Variants in NUDT7 observed in about 807,000 individuals in gnomAD.
NUDT7 encodes the protein nudix hydrolase 7, also known as peroxisomal coenzyme A diphosphatase NUDT7.
A neutral mutation model predicts 13.1 loss-of-function variants in NUDT7; 19 were observed. The ratio of observed to expected loss-of-function variants is 1.45; its 90% CI spans 1.01 to 2.13. The LOEUF (loss-of-function observed/expected upper bound fraction) is 2.13. NUDT7 is among the 30% of genes most tolerant of loss of function. The pLI is 0.00. For missense variants in NUDT7, 360 were observed against 291.7 expected (o/e 1.23, Z -1.71); for synonymous variants, 132 against 109.7 (o/e 1.20, Z -1.27).
chr16:77,727,941 TA>T (rs2014191492), intron 2 of NUDT7, among the ~76,000 whole-genome samples: 1 of 152,196 alleles, frequency 6.6e-6, no homozygotes, highest in African/African-American at 2.4e-5. Context: ...TAGACAATAC[TA>T]CAAACTCAAC....
intron 2 of NUDT7, among the ~76,000 whole-genome samples, chr16:77,730,751 T>C (rs923581877): frequency 6.6e-6 from 1 of 152,146 alleles, no homozygotes; most frequent in African/African-American, 2.4e-5. Context: ...GTTCCCTTTT[T>C]TCCATATCCT....
At chr16:77,734,542 G>A (rs1021635544) in intron 2 of NUDT7, among the ~76,000 whole-genome samples, 1 of 152,130 alleles carries the variant, frequency 6.6e-6, no homozygotes, top group Non-Finnish European at 1.5e-5. Context: ...AGAATGGTGT[G>A]AACCCAGGAG....
In NUDT7 at chr16:77,722,574, C is replaced by T. The variant is rs754326874; in HGVS notation, c.-9C>T. On this transcript the variant is annotated 5_prime_UTR_variant, in exon 1 of 4. Transcript: ENST00000268533. The stretch of plus-strand genomic sequence containing the variant: ...GGAGTCCGCCCGGAAACAAACATTC[C>T]CCAGGGCAATGTCACGACTTGGTCT... The T allele has an allele frequency of 6.3e-7, 1 of 1,587,542 alleles. No homozygotes were observed.
chr16:77,731,288 T>G (rs1464589004), intron 2 of NUDT7, among the ~76,000 whole-genome samples: 6 of 152,198 alleles, frequency 3.9e-5, no homozygotes, highest in Admixed American at 6.5e-5. Flanking sequence ...GAGATACTTT[T>G]GAAACCTTTC....
chr16:77,742,225 T>C lies in NUDT7; in HGVS notation c.*275T>C. The stretch of plus-strand genomic sequence containing the variant: ...CATATAATAAAGAATATCTGGCACA[T>C]ACTAGGCCCTTAATAAAGATTTTTT... On this transcript the variant is annotated 3_prime_UTR_variant, in exon 4 of 4. Transcript: ENST00000268533. The C allele has an allele frequency of 1.2e-6, 1 of 823,260 alleles. No homozygotes were observed. Among genetic ancestry groups the C allele is most frequent in the Non-Finnish European group, 1.5e-6 (1 of 645,310 alleles). The allele number at this position is 823,260 out of a possible 1,614,324, so 51.0% of individuals were successfully genotyped here. A position where few individuals can be genotyped will look rare whatever the true frequency, so the allele number is the denominator to read the frequency against.
chr16:77,735,744 A>G (rs2014459786), intron 2 of NUDT7, 84 bp from the exon 3 acceptor site: 1 of 1,262,268 alleles, frequency 7.9e-7, no homozygotes, highest in Non-Finnish European at 1.1e-6. Flanking sequence ...GGTACAAAAT[A>G]GAAGTCCAGT....
rs1168703746 is a variant in NUDT7 at position 77,741,750 on chromosome 16, C to A, written c.517C>A (p.His173Asn). Residue 173 changes from histidine (H) to asparagine (N), a missense_variant, in exon 4 of 4, where the codon CAT (histidine) becomes AAT (asparagine). Transcript: ENST00000268533. ...VTRLGHRFIN[H>N]IFEYTNPEDG... is the part of the protein sequence containing the mutation. ...ACGTCTTGGTCACCGTTTTATTAAT[C>A]ATATCTTTGAGTACACAAACCCTGA... The A allele has an allele frequency of 1.2e-6, 2 of 1,614,060 alleles. No individual in the cohort carries two copies. The highest frequency in any genetic ancestry group is 1.7e-6 in the Non-Finnish European group (2 of 1,180,004).
chr16:77,739,820 T>C (rs2014602913), intron 3 of NUDT7, among the ~76,000 whole-genome samples: 1 of 152,162 alleles, frequency 6.6e-6, no homozygotes, highest in Non-Finnish European at 1.5e-5. Context: ...AATTCACCTC[T>C]GGCAAGGTAG....
intron 1 of NUDT7, 141 bp downstream of exon 1, chr16:77,722,758 C>A: frequency 1.3e-6 from 1 of 754,776 alleles, no homozygotes; most frequent in South Asian, 1.6e-5. Context: ...GGGGAGCACT[C>A]GCCTCCAGCA....
At chr16:77,726,203 C>T (rs761527315) in intron 2 of NUDT7, among the ~76,000 whole-genome samples, 4 of 152,180 alleles carry the variant, frequency 2.6e-5, no homozygotes, top group Non-Finnish European at 5.9e-5. Flanking sequence ...ACTTTGGCCT[C>T]GTTACTTGCC....
chr16:77,723,192 G>T (rs928883278), intron 1 of NUDT7, among the ~76,000 whole-genome samples: 2 of 152,138 alleles, frequency 1.3e-5, no homozygotes, highest in African/African-American at 4.8e-5. Flanking sequence ...TTTTACTTTG[G>T]CTGGTTTGTC....
chr16:77,733,322 G>T (rs1475882991), intron 2 of NUDT7, among the ~76,000 whole-genome samples: 1 of 152,190 alleles, frequency 6.6e-6, no homozygotes, highest in African/African-American at 2.4e-5. Context: ...GGAGTCTGGT[G>T]AGGGCCCTGT....
At chr16:77,725,322 A>C in intron 1 of NUDT7, 109 bp from the exon 2 acceptor site, 1 of 953,756 alleles carries the variant, frequency 1.0e-6, no homozygotes, top group South Asian at 1.9e-5. Context: ...AGAGAGTCAG[A>C]AATGGCAAAC....
chr16:77,730,373 G>C lies in NUDT7; in HGVS notation c.189+4789G>C, dbSNP rs186195026. 4.0e-3 allele frequency among the ~76,000 whole-genome samples: 609 copies of C among 152,220 alleles called. 4 individuals are homozygous for C. The highest frequency in any genetic ancestry group is 6.7e-3 in the Non-Finnish European group (455 of 68,008). On this transcript the variant is annotated intron_variant, in intron 2 of 3. Coordinates refer to ENST00000268533, the MANE Select transcript of NUDT7 (RefSeq NM_001105663.3). ...ATATTCCACATATGAATGAGATCAT[G>C]TGGCATCTGTGACTGGCTTATTTTA...
At chr16:77,723,522 T>A (rs940048019) in intron 1 of NUDT7, among the ~76,000 whole-genome samples, 2 of 152,070 alleles carry the variant, frequency 1.3e-5, no homozygotes, top group Non-Finnish European at 2.9e-5. Context: ...AACTGCATCA[T>A]TTAATCTTCT....
In NUDT7 at chr16:77,741,802, G is replaced by T; in HGVS notation, c.569G>T (p.Gly190Val). 6.2e-7 allele frequency: 1 copy of T among 1,614,086 alleles called. No individual in the cohort carries two copies. Among genetic ancestry groups the T allele is most frequent in the South Asian group, 1.1e-5 (1 of 91,076 alleles). The stretch of plus-strand genomic sequence containing the variant: ...GACGGTGTCACTTACCAGATCAAGG[G>T]AATGACGGCAAACCTTGCAGTGTTG... ...PEDGVTYQIK[G>V]MTANLAVLVA... Residue 190 changes from glycine (G) to valine (V), a missense_variant, in exon 4 of 4, where the codon GGA (glycine) becomes GTA (valine). Gly to Val is a moderately radical substitution (Grantham distance 109). Transcript: ENST00000268533.
intron 1 of NUDT7, 131 bp downstream of exon 1, chr16:77,722,748 G>T: frequency 2.4e-6 from 2 of 822,078 alleles, no homozygotes; most frequent in Non-Finnish European, 4.0e-6. Context: ...GCGCCGGATG[G>T]GGGAGCACTC....
At chr16:77,733,996 A>G (rs1238513667) in intron 2 of NUDT7, among the ~76,000 whole-genome samples, 1 of 152,164 alleles carries the variant, frequency 6.6e-6, no homozygotes, top group Non-Finnish European at 1.5e-5. Flanking sequence ...AAAGGGGGTA[A>G]TTTTAGGATG....
In NUDT7 at chr16:77,736,043, GT is replaced by G. The variant is rs376052036; in HGVS notation, c.348+59del. 289 of 1,509,362 alleles carry G rather than the reference GT, an allele frequency of 1.9e-4. 1 individual carries two copies. In the African/African-American group the frequency reaches 3.1e-3, roughly 16 times the overall value. 93.5% of individuals were successfully genotyped at this position (1,509,362 alleles called of 1,614,324 possible). On this transcript the variant is annotated intron_variant, in intron 3 of 3. Coordinates refer to ENST00000268533, the MANE Select transcript of NUDT7 (RefSeq NM_001105663.3). ...GTCCCCACCCCCAGGTGGATCTACT[GT>G]TCTCAGGATTCCACATTTTCCAAAC...
Sources: gnomAD v4.1 joint callset for allele counts (sites outside exome capture counted in the v4.1 genomes callset) on GRCh38, gnomAD v4.1.1 for gene constraint, MANE v1.5 for transcripts, NCBI Gene and HGNC (gene_info 2026-07-23, HGNC 2026-07-21) for gene names.